Variants in NTRK1 observed in about 807,000 individuals in gnomAD.
The protein encoded by NTRK1 is high affinity nerve growth factor receptor.
NTRK1 carries 62 observed loss-of-function variants against 86.8 expected under a neutral mutation model. The observed-to-expected ratio is 0.71, with a 90% CI of 0.58 to 0.88. The LOEUF is 0.88. Ranked by LOEUF, NTRK1 falls within the 40% of genes least tolerant of loss-of-function variation. The pLI is 0.00. For missense variants in NTRK1, 967 were observed against 1,078.4 expected, an observed-to-expected ratio of 0.90 and a Z score of 1.45; for synonymous variants, 469 against 456.6, an observed-to-expected ratio of 1.03 and a Z score of -0.35.
intron 3 of NTRK1, among the ~76,000 whole-genome samples, 182 bp from the exon 4 acceptor site, chr1:156,866,728 G>T (rs1181155392): frequency 6.7e-6 from 1 of 148,936 alleles, no homozygotes; most frequent in East Asian, 2.0e-4. Flanking sequence ...GACTCAGAAA[G>T]TCCCCCCACC....
At chr1:156,874,871 AG>A (rs776448837) in intron 10 of NTRK1, 34 bp from the exon 11 acceptor site, 19 of 1,472,492 alleles carry the variant, frequency 1.3e-5, no homozygotes, top group Non-Finnish European at 1.8e-5. Flanking sequence ...GTACAGGAGG[AG>A]CCCCTGGATC....
chr1:156,864,062 A>G (rs1324888792), intron 1 of NTRK1, among the ~76,000 whole-genome samples: 2 of 152,056 alleles, frequency 1.3e-5, no homozygotes, highest in African/African-American at 4.8e-5. Flanking sequence ...AGGTGTGTGC[A>G]TGTGTGCAAG....
At chr1:156,851,699 A>G (rs1306819489) in intron 2 of NTRK1, 3 of 1,614,096 alleles carry the variant, frequency 1.9e-6, no homozygotes, top group Non-Finnish European at 1.7e-6. Context: ...GCAGCCCACA[A>G]GATCCTGTGC....
At position 156,873,786 on chromosome 1, in the gene NTRK1, C is replaced by A. The variant is rs758490619; in HGVS notation, c.1004C>A (p.Pro335Gln). The change falls in exon 8 of 17, where the codon CCG becomes CAG. Residue 335 changes from proline (P) to glutamine (Q), a missense_variant. By Grantham distance (76) the Pro-to-Gln change is moderately conservative. Around this residue, in one of 2 missense-constraint regions of NTRK1, gnomAD observed 637 missense variants for 776.5 expected, o/e 0.82. Transcript: ENST00000524377. ...TTCATCTTCACTGAGTTCCTGGAGC[C>A]GGCAGCCAATGAGACCGTGCGGCAC... ...TSFIFTEFLE[P>Q]AANETVRHGC... is the part of the protein sequence containing the mutation. The A allele has an allele frequency of 6.2e-7, 1 of 1,612,982 alleles. No homozygotes were observed. Among genetic ancestry groups the A allele is most frequent in the Non-Finnish European group, 8.5e-7 (1 of 1,179,710 alleles).
intron 2 of NTRK1, chr1:156,845,988 CCTCTGCCAGCCG>C: frequency 6.2e-7 from 1 of 1,613,788 alleles, no homozygotes. Flanking sequence ...AGGTCGCCGT[CCTCTGCCAGCCG>C]CTGCCACAGC....
At chr1:156,828,169 C>T (rs1888861) in intron 1 of NTRK1, among the ~76,000 whole-genome samples, 123,750 of 152,038 alleles carry the variant, frequency 0.81, 50,582 homozygotes, top group African/African-American at 0.89. Flanking sequence ...AATATTATTA[C>T]TGATATTGAT....
At chr1:156,846,719 G>T in intron 2 of NTRK1, 9 of 1,614,084 alleles carry the variant, frequency 5.6e-6, no homozygotes, top group Non-Finnish European at 7.6e-6. Flanking sequence ...GGTTCCACAA[G>T]CATCTGGACC....
rs751467135 is a variant in NTRK1, at chr1:156,864,308, C to T, written c.213-46C>T. 7.5e-6 allele frequency: 12 copies of T among 1,599,102 alleles called. No individual in the cohort carries two copies. The Admixed American group carries it at 1.0e-4, about 13-fold the overall frequency. On this transcript the variant is annotated intron_variant, in intron 1 of 16. Coordinates refer to ENST00000524377, the MANE Select transcript of NTRK1 (RefSeq NM_002529.4). ...GAGTAAGTGGGTGGGCATGGGAACT[C>T]AAGTGTGGGCCTGAGCCCTGTGACT...
At chr1:156,877,190 A>G (rs1351613537) in intron 14 of NTRK1, among the ~76,000 whole-genome samples, 1 of 152,016 alleles carries the variant, frequency 6.6e-6, no homozygotes, top group East Asian at 1.9e-4. Flanking sequence ...CTGGCTCTAC[A>G]ATTTGTTCTT....
intron 16 of NTRK1, 149 bp downstream of exon 16, chr1:156,880,306 T>A (rs1381700350): frequency 1.2e-5 from 9 of 771,346 alleles, no homozygotes; most frequent in Non-Finnish European, 1.9e-5. Context: ...CTGTGTCCCC[T>A]CCACTGTGGC....
chr1:156,816,115 G>C (rs753901156), intron 1 of NTRK1: 1 of 1,603,334 alleles, frequency 6.2e-7, no homozygotes, highest in South Asian at 1.1e-5. Flanking sequence ...AAAGAGGGCT[G>C]CCGGGGTTTC....
chr1:156,842,999 C>T, intron 2 of NTRK1: 1 of 1,609,254 alleles, frequency 6.2e-7, no homozygotes, highest in Non-Finnish European at 8.5e-7. Context: ...TTGGCTCTCC[C>T]TTACCACATG....
At chr1:156,849,058 C>T (rs1369074208) in intron 2 of NTRK1, 54 of 1,610,574 alleles carry the variant, frequency 3.4e-5, no homozygotes, top group Non-Finnish European at 3.9e-5. Flanking sequence ...CTGGGTGGGG[C>T]GAGGGGCCTG....
In NTRK1 at chr1:156,868,485, C is replaced by T. The variant is rs748095461; in HGVS notation, c.575-20C>T. 27 of 1,553,608 alleles carry T rather than the reference C, an allele frequency of 1.7e-5. No individual in the cohort carries two copies. Among genetic ancestry groups the T allele is most frequent in the East Asian group, 7.3e-5 (3 of 41,250 alleles). The stretch of plus-strand genomic sequence containing the variant: ...CCCAGCTCTAACACCCCTTGGCCCT[C>T]GGGCGTCCTGGGTGGCCAGGTGTGC... On this transcript the variant is annotated intron_variant, in intron 5 of 16. Transcript: ENST00000524377.
At chr1:156,834,157 C>A (rs1257147285) in intron 1 of NTRK1, among the ~76,000 whole-genome samples, 1 of 152,104 alleles carries the variant, frequency 6.6e-6, no homozygotes, top group Non-Finnish European at 1.5e-5. Flanking sequence ...GTATTAAATG[C>A]CCTGTGGGTG....
At chr1:156,829,060 T>C (rs1175329100) in intron 1 of NTRK1, among the ~76,000 whole-genome samples, 4 of 152,246 alleles carry the variant, frequency 2.6e-5, no homozygotes, top group East Asian at 3.8e-4. Flanking sequence ...GTGCGCAGCC[T>C]TGCTCTCTGG....
At chr1:156,837,048 G>A (rs562401254) in intron 1 of NTRK1, among the ~76,000 whole-genome samples, 1 of 152,286 alleles carries the variant, frequency 6.6e-6, no homozygotes, top group Admixed American at 6.5e-5. Context: ...TCAACAGCAA[G>A]GACATCAGAA....
At chr1:156,827,084 T>C (rs954327833) in intron 1 of NTRK1, among the ~76,000 whole-genome samples, 7 of 152,034 alleles carry the variant, frequency 4.6e-5, no homozygotes, top group African/African-American at 1.7e-4. Context: ...ACTTTTTCTT[T>C]ATTTCTTTAT....
intron 2 of NTRK1, among the ~76,000 whole-genome samples, chr1:156,853,121 C>T (rs1655284868): frequency 6.6e-6 from 1 of 152,094 alleles, no homozygotes; most frequent in Admixed American, 6.5e-5. Flanking sequence ...CCTAAAGGTC[C>T]CACCTTACAT....
Sources: gnomAD v4.1 joint callset for allele counts (sites outside exome capture counted in the v4.1 genomes callset) on GRCh38, gnomAD v4.1.1 for gene constraint, gnomAD v4.1.1 regional missense constraint, MANE v1.5 for transcripts, NCBI Gene and HGNC (gene_info 2026-07-23, HGNC 2026-07-21) for gene names.